DGKG: variants seen among roughly 807,000 people sequenced by gnomAD.
DGKG encodes DAG kinase gamma.
Under a neutral mutation model 105.3 loss-of-function variants are expected in DGKG, and 78 were observed. The observed-to-expected ratio is 0.74, with a 90% CI of 0.62 to 0.89. The LOEUF is 0.89. Ranked by LOEUF, DGKG falls within the 40% of genes least tolerant of loss-of-function variation. The pLI is 0.00. For synonymous variants in DGKG, 346 were observed against 367.1 expected (o/e 0.94, Z 0.66); for missense variants, 958 against 1,020.1 (o/e 0.94, Z 0.83).
chr3:186,166,063 T>C (rs924186795), intron 22 of DGKG, among the ~76,000 whole-genome samples: 2 of 152,246 alleles, frequency 1.3e-5, no homozygotes, highest in African/African-American at 2.4e-5. Context: ...TGGTATAGTA[T>C]AACAGTGTTA....
intron 3 of DGKG, among the ~76,000 whole-genome samples, chr3:186,302,520 ATATATATATATACATATG>A (rs1560143735): frequency 4.4e-5 from 3 of 68,062 alleles, no homozygotes; most frequent in Admixed American, 1.5e-4. Context: ...ATGTGTATAT[ATATATATATATACATATG>A]TATATATATA....
chr3:186,202,777 A>C (rs149215070), intron 21 of DGKG, among the ~76,000 whole-genome samples: 149 of 152,324 alleles, frequency 9.8e-4, no homozygotes, highest in East Asian at 9.5e-3. Context: ...TTGACCCCCA[A>C]CTTTGGTCTT....
At chr3:186,204,530 C>T (rs1237740268) in intron 21 of DGKG, among the ~76,000 whole-genome samples, 2 of 152,272 alleles carry the variant, frequency 1.3e-5, no homozygotes, top group Admixed American at 6.5e-5. Context: ...TATGGATTCT[C>T]ATAGGTGAGA....
chr3:186,276,756 G>A (rs1722607341), intron 9 of DGKG, among the ~76,000 whole-genome samples: 1 of 152,182 alleles, frequency 6.6e-6, no homozygotes, highest in Non-Finnish European at 1.5e-5. Flanking sequence ...TTTTCTCATA[G>A]GCTCCATTAC....
intron 24 of DGKG, among the ~76,000 whole-genome samples, chr3:186,155,343 C>T (rs1330360257): frequency 6.6e-6 from 1 of 152,128 alleles, no homozygotes; most frequent in Non-Finnish European, 1.5e-5. Context: ...CAGGCACCCA[C>T]CACCATGCTC....
intron 2 of DGKG, among the ~76,000 whole-genome samples, chr3:186,311,588 C>T (rs2108630957): frequency 6.6e-6 from 1 of 152,270 alleles, no homozygotes; most frequent in East Asian, 1.9e-4. Flanking sequence ...ACTTTATGTG[C>T]CAAGAACTCT....
chr3:186,334,836 G>A (rs879413321), intron 1 of DGKG, among the ~76,000 whole-genome samples: 1 of 152,074 alleles, frequency 6.6e-6, no homozygotes, highest in Non-Finnish European at 1.5e-5. Context: ...ATGACACAAA[G>A]TTAACGGGCA....
At chr3:186,221,144 C>G (rs1009721653) in intron 20 of DGKG, among the ~76,000 whole-genome samples, 2 of 152,330 alleles carry the variant, frequency 1.3e-5, no homozygotes, top group African/African-American at 2.4e-5. Flanking sequence ...AAAGGCCCAG[C>G]AGCCTGACTG....
chr3:186,298,947 G>T (rs1723732409), intron 3 of DGKG, among the ~76,000 whole-genome samples: 1 of 152,184 alleles, frequency 6.6e-6, no homozygotes, highest in Non-Finnish European at 1.5e-5. Context: ...AGAGCAGGAA[G>T]CCAAGGACAG....
intron 1 of DGKG, among the ~76,000 whole-genome samples, chr3:186,341,098 A>G (rs1231922577): frequency 6.6e-6 from 1 of 152,218 alleles, no homozygotes; most frequent in Non-Finnish European, 1.5e-5. Flanking sequence ...TCCTAGGCTA[A>G]CTGGATCTCC....
intron 2 of DGKG, 53 bp from the exon 3 acceptor site, chr3:186,307,030 G>A (rs1724278381): frequency 7.9e-7 from 1 of 1,270,528 alleles, no homozygotes; most frequent in African/African-American, 1.5e-5. Context: ...AATGGAAGCT[G>A]GGCCAAGTAA....
intron 22 of DGKG, among the ~76,000 whole-genome samples, chr3:186,167,796 CTCACTCAT>C (rs1051672027): frequency 2.7e-5 from 4 of 146,182 alleles, no homozygotes; most frequent in African/African-American, 1.0e-4. Flanking sequence ...CACTCACTCA[CTCACTCAT>C]TCAACAGTTA....
chr3:186,149,141 C>G lies in DGKG; in HGVS notation c.*949G>C. ...GTTTCCCCAGCAAAGTTCCTTCCTT[C>G]CCATCTTTTCTGCCTTCAGGAATAG... On this transcript the variant is annotated 3_prime_UTR_variant, in exon 25 of 25. Coordinates refer to ENST00000265022, the MANE Select transcript of DGKG (RefSeq NM_001346.3). 1.0e-6 allele frequency: 1 copy of G among 985,138 alleles called. No individual in the cohort carries two copies. Among genetic ancestry groups the G allele is most frequent in the Non-Finnish European group, 1.2e-6 (1 of 829,802 alleles). The allele number at this position is 985,138 out of a possible 1,614,324, so 61.0% of individuals were successfully genotyped here.
At position 186,264,257 on chromosome 3, in the gene DGKG, C is replaced by CTTTTCT. The variant is rs143674759; in HGVS notation, c.1269+984_1269+989dup. 1.8e-4 allele frequency among the ~76,000 whole-genome samples: 27 copies of CTTTTCT among 150,482 alleles called. 1 individual carries two copies. Among genetic ancestry groups the CTTTTCT allele is most frequent in the Admixed American group, 5.9e-4 (9 of 15,142 alleles). Reference sequence around the variant, plus strand: ...TCCCCTCATTCGGCCTTATGTTTCACTTTTCTTTTTCTTTTTTTTCTTTTG... The same window carrying CTTTTCT: ...TCCCCTCATTCGGCCTTATGTTTCACTTTTCTTTTTCTTTTTCTTTTTTTTCTTTTG... On this transcript the variant is annotated intron_variant, in intron 14 of 24. Transcript: ENST00000265022.
intron 20 of DGKG, among the ~76,000 whole-genome samples, chr3:186,235,455 G>A (rs1720370998): frequency 6.6e-6 from 1 of 152,202 alleles, no homozygotes; most frequent in Non-Finnish European, 1.5e-5. Context: ...TGAAGACTTT[G>A]ATGGCAAGGA....
chr3:186,199,169 T>C (rs948848095), intron 21 of DGKG, among the ~76,000 whole-genome samples: 1 of 152,160 alleles, frequency 6.6e-6, no homozygotes, highest in Non-Finnish European at 1.5e-5. Context: ...CAGGATTATC[T>C]GGATCTCTTG....
intron 20 of DGKG, among the ~76,000 whole-genome samples, chr3:186,222,289 G>A (rs1719622446): frequency 6.6e-6 from 1 of 152,168 alleles, no homozygotes; most frequent in African/African-American, 2.4e-5. Context: ...GTGATGTTGA[G>A]GTTGGGTTCC....
intron 19 of DGKG, among the ~76,000 whole-genome samples, chr3:186,248,472 C>T (rs761169045): frequency 6.6e-6 from 1 of 152,226 alleles, no homozygotes; most frequent in African/African-American, 2.4e-5. Flanking sequence ...CCATTCTTCT[C>T]TGCTCTAGTA....
At chr3:186,241,312 G>C in intron 20 of DGKG, among the ~76,000 whole-genome samples, 1 of 148,300 alleles carries the variant, frequency 6.7e-6, no homozygotes, top group South Asian at 2.1e-4. Flanking sequence ...CAGCACTTTG[G>C]GAGGCCGAGG....
Sources: gnomAD v4.1 joint callset for allele counts (sites outside exome capture counted in the v4.1 genomes callset) on GRCh38, gnomAD v4.1.1 for gene constraint, MANE v1.5 for transcripts, NCBI Gene and HGNC (gene_info 2026-07-23, HGNC 2026-07-21) for gene names.